DCTN4: variants seen among roughly 807,000 people sequenced by gnomAD.
DCTN4 encodes dynactin subunit 4, also known as dynactin 4 (p62).
Under a neutral mutation model 62.7 loss-of-function variants are expected in DCTN4, and 23 were observed. That is an observed-to-expected ratio of 0.37 (90% CI 0.26 to 0.52). DCTN4 has a LOEUF of 0.52. Among genes scored for constraint, DCTN4 ranks in the 20% least tolerant of loss-of-function variants. The probability of loss-of-function intolerance (pLI) is 0.92; values close to 1 mark genes in which losing one functional copy is unlikely to be tolerated. For synonymous variants in DCTN4, 199 were observed against 202.1 expected (o/e 0.98, Z 0.13); for missense variants, 514 against 580.4 (o/e 0.89, Z 1.18).
At chr5:150,749,720 A>G (rs1005023453) in intron 3 of DCTN4, among the ~76,000 whole-genome samples, 1 of 152,158 alleles carries the variant, frequency 6.6e-6, no homozygotes, top group African/African-American at 2.4e-5. Flanking sequence ...CACTTATCCT[A>G]TGACCTAATA....
chr5:150,736,187 G>A (rs750822166), intron 4 of DCTN4: 1 of 152,194 alleles, frequency 6.6e-6, no homozygotes, highest in Non-Finnish European at 1.5e-5. Context: ...AAACTTACTT[G>A]AGGAAAGAAT....
intron 3 of DCTN4, among the ~76,000 whole-genome samples, chr5:150,750,860 C>G (rs1442430669): frequency 6.6e-6 from 1 of 152,096 alleles, no homozygotes; most frequent in East Asian, 1.9e-4. Context: ...ATTTCTTAAA[C>G]TGGGTGATAA....
At chr5:150,727,364 G>C (rs1473014328) in intron 8 of DCTN4, among the ~76,000 whole-genome samples, 1 of 152,014 alleles carries the variant, frequency 6.6e-6, no homozygotes, top group Non-Finnish European at 1.5e-5. Flanking sequence ...CTATAAAAGA[G>C]ACCATTTAAT....
intron 1 of DCTN4, chr5:150,757,865 T>C (rs1452907299): frequency 6.4e-6 from 1 of 156,060 alleles, no homozygotes; most frequent in East Asian, 1.9e-4. Context: ...TTAGGCTGTT[T>C]AGATTCAAAT....
At position 150,717,709 on chromosome 5, in the gene DCTN4, T is replaced by C. The variant is rs555013038; in HGVS notation, c.1071+567A>G. On this transcript the variant is annotated intron_variant, in intron 11 of 12. Transcript: ENST00000447998. Reference sequence around the variant, plus strand: ...GACTGAGAGACTGAAGGGGCATGTATGTTAGGGGAGTCAGGATAGGAAGGA... The same window carrying C: ...GACTGAGAGACTGAAGGGGCATGTACGTTAGGGGAGTCAGGATAGGAAGGA... Among the ~76,000 whole-genome samples, 4 of 152,304 alleles carry C rather than the reference T, an allele frequency of 2.6e-5. No homozygotes were observed. In the South Asian group the frequency reaches 8.3e-4, roughly 32 times the overall value.
At chr5:150,758,826 C>G (rs762931399) in intron 1 of DCTN4, 33 bp downstream of exon 1, 1 of 1,606,752 alleles carries the variant, frequency 6.2e-7, no homozygotes, top group Non-Finnish European at 8.5e-7. Flanking sequence ...GCCCCCCCCA[C>G]CCCACATACT....
chr5:150,745,659 A>G (rs1050302366), intron 3 of DCTN4, among the ~76,000 whole-genome samples: 3 of 152,196 alleles, frequency 2.0e-5, no homozygotes, highest in African/African-American at 7.2e-5. Context: ...GTTCAACTAC[A>G]TGGAAACTGA....
chr5:150,747,262 A>G (rs1455665186), intron 3 of DCTN4, among the ~76,000 whole-genome samples: 2 of 152,236 alleles, frequency 1.3e-5, no homozygotes, highest in African/African-American at 2.4e-5. Context: ...GAGGAGAACT[A>G]CAAACCACTG....
chr5:150,753,430 T>A, intron 3 of DCTN4, 49 bp downstream of exon 3: 1 of 1,547,038 alleles, frequency 6.5e-7, no homozygotes, highest in Non-Finnish European at 8.9e-7. Context: ...TGGGCAATTA[T>A]AGCACTGTCA....
In DCTN4 at chr5:150,730,666, TG is replaced by T; in HGVS notation, c.798del (p.His266GlnfsTer5). ...PVCASQLYPR[H>X]KHLLIKRSLR... Reference sequence around the variant, plus strand: ...AGGGACCGTTTGATCAGAAGATGTTTGTGGCGAGGATAGAGCTGTGAAGCAC... The same window carrying T: ...AGGGACCGTTTGATCAGAAGATGTTTTGGCGAGGATAGAGCTGTGAAGCAC... On this transcript the variant is annotated frameshift_variant, in exon 8 of 13. Transcript: ENST00000447998. LOFTEE classifies it high-confidence loss of function. 1 of 1,614,066 alleles carries T rather than the reference TG, an allele frequency of 6.2e-7. No homozygotes were observed. Among genetic ancestry groups the T allele is most frequent in the Non-Finnish European group, 8.5e-7 (1 of 1,179,964 alleles).
At chr5:150,742,014 T>TA in intron 4 of DCTN4, 100 bp downstream of exon 4, 1 of 1,009,932 alleles carries the variant, frequency 9.9e-7, no homozygotes, top group African/African-American at 1.6e-5. Context: ...ATTATGGACT[T>TA]ATAAACACAG....
chr5:150,715,627 G>A lies in DCTN4; in HGVS notation c.1107C>T (p.Gly369=). 6.2e-7 allele frequency: 1 copy of A among 1,614,114 alleles called. No homozygotes were observed. Among genetic ancestry groups the A allele is most frequent in the Non-Finnish European group, 8.5e-7 (1 of 1,180,018 alleles). ...CATCGTACTCTGCTGCTGCATCCTT[G>A]CCAGCTAAAACGAGCTCTTTGGGAG... The part of the protein sequence containing the change: ...VVPPKELVLA[G]KDAAAEYDEL... Residue 369 remains glycine, a synonymous_variant, in exon 12 of 13, where the codon GGC becomes GGT. Transcript: ENST00000447998.
In DCTN4 at chr5:150,710,866, C is replaced by T. The variant is rs1243306909; in HGVS notation, c.*283G>A. 9.3e-6 allele frequency: 4 copies of T among 430,508 alleles called. No homozygotes were observed. Among genetic ancestry groups the T allele is most frequent in the African/African-American group, 4.0e-5 (2 of 50,252 alleles). 26.7% of individuals were successfully genotyped at this position (430,508 alleles called of 1,614,324 possible). A position where few individuals can be genotyped will look rare whatever the true frequency, so the allele number is the denominator to read the frequency against. ...AAATACAATGCCATTCCAAGGAACA[C>T]CCATCCCCTTTCCTAGGATGGAATT... On this transcript the variant is annotated 3_prime_UTR_variant, in exon 13 of 13. Transcript: ENST00000447998.
At chr5:150,726,534 T>A (rs1479448954) in intron 8 of DCTN4, among the ~76,000 whole-genome samples, 2 of 152,212 alleles carry the variant, frequency 1.3e-5, no homozygotes, top group Non-Finnish European at 2.9e-5. Flanking sequence ...TTGTTATAAA[T>A]CACCATTAAA....
intron 8 of DCTN4, among the ~76,000 whole-genome samples, chr5:150,725,836 T>C (rs1245487664): frequency 6.6e-6 from 1 of 152,198 alleles, no homozygotes; most frequent in African/African-American, 2.4e-5. Context: ...TGGTAGACAA[T>C]ATTGGATGGG....
intron 3 of DCTN4, among the ~76,000 whole-genome samples, chr5:150,748,272 A>G (rs1435896754): frequency 6.7e-6 from 1 of 149,464 alleles, no homozygotes; most frequent in Non-Finnish European, 1.5e-5. Context: ...GCAATCATTA[A>G]AAAGTCAGGA....
chr5:150,714,747 C>A (rs1469714285), intron 12 of DCTN4, among the ~76,000 whole-genome samples: 2 of 152,040 alleles, frequency 1.3e-5, no homozygotes, highest in African/African-American at 4.8e-5. Context: ...ATAATCATGC[C>A]ACCCCTCCTT....
chr5:150,722,931 T>C lies in DCTN4; in HGVS notation c.884A>G (p.Lys295Arg). 1 of 1,612,996 alleles carries C rather than the reference T, an allele frequency of 6.2e-7. No individual in the cohort carries two copies. The highest frequency in any genetic ancestry group is 8.5e-7 in the Non-Finnish European group (1 of 1,179,548). ...SKPEFNPTSI[K>R]FKIQLVAVNY... ...CACAGCGACCAGCTGGATTTTGAAT[T>C]TGATTGACGTTGGGTTAAATTCTGG... Residue 295 changes from lysine (K) to arginine (R), a missense_variant, in exon 9 of 13, where the codon AAA becomes AGA. Physicochemically the swap from Lys to Arg is conservative, Grantham distance 26 (BLOSUM62 2). Transcript: ENST00000447998.
At position 150,729,951 on chromosome 5, in the gene DCTN4, G is replaced by A. The variant is rs991208545; in HGVS notation, c.834+680C>T. Among the ~76,000 whole-genome samples the A allele has an allele frequency of 5.9e-5, 9 of 151,730 alleles. 1 individual carries two copies. The South Asian group carries it at 1.9e-3, about 32-fold the overall frequency. On this transcript the variant is annotated intron_variant, in intron 8 of 12. Coordinates refer to ENST00000447998, the MANE Select transcript of DCTN4 (RefSeq NM_016221.4). ...AATCTACGTAAACTCTATACATTGT[G>A]TTTGGTAAACTTTTAAGTCTCTTCT...
Sources: gnomAD v4.1 joint callset for allele counts (sites outside exome capture counted in the v4.1 genomes callset) on GRCh38, gnomAD v4.1.1 for gene constraint, MANE v1.5 for transcripts, NCBI Gene and HGNC (gene_info 2026-07-23, HGNC 2026-07-21) for gene names.